The following MYRIP variants were observed in gnomAD, a reference collection of about 807,000 sequenced individuals.
The protein encoded by MYRIP is rab effector MyRIP.
Under a neutral mutation model 98.0 loss-of-function variants are expected in MYRIP, and 49 were observed. That is an observed-to-expected ratio of 0.50 (90% CI 0.40 to 0.63). MYRIP has a LOEUF of 0.63. Among genes scored for constraint, MYRIP ranks in the 30% least tolerant of loss-of-function variants. The pLI is 0.00. For missense variants in MYRIP, 1,004 were observed against 1,058.2 expected, an observed-to-expected ratio of 0.95 and a Z score of 0.71; for synonymous variants, 404 against 409.5, an observed-to-expected ratio of 0.99 and a Z score of 0.16.
intron 8 of MYRIP, among the ~76,000 whole-genome samples, chr3:40,171,503 T>C (rs1011604702): frequency 1.3e-5 from 2 of 152,122 alleles, no homozygotes; most frequent in African/African-American, 4.8e-5. Flanking sequence ...TTCTGCAAAC[T>C]CAAAGTGTCA....
intron 12 of MYRIP, 74 bp from the exon 13 acceptor site, chr3:40,244,372 G>T: frequency 7.1e-7 from 1 of 1,402,188 alleles, no homozygotes. Flanking sequence ...CTGAATTGCT[G>T]GGGTCCCCTC....
At chr3:39,924,206 A>G (rs922130185) in intron 2 of MYRIP, among the ~76,000 whole-genome samples, 11 of 152,146 alleles carry the variant, frequency 7.2e-5, no homozygotes, top group South Asian at 4.1e-4. Context: ...GATTTAAAAA[A>G]CATATCCTAG....
chr3:39,827,960 G>A (rs1344281023), intron 1 of MYRIP, among the ~76,000 whole-genome samples: 1 of 151,714 alleles, frequency 6.6e-6, no homozygotes, highest in African/African-American at 2.4e-5. Flanking sequence ...TCTACTCTTA[G>A]TCTCATGGGA....
intron 1 of MYRIP, among the ~76,000 whole-genome samples, chr3:39,861,995 T>C (rs1252497500): frequency 6.6e-6 from 1 of 152,118 alleles, no homozygotes; most frequent in Non-Finnish European, 1.5e-5. Context: ...CAGAGAATCA[T>C]TGTGAAATAC....
intron 8 of MYRIP, among the ~76,000 whole-genome samples, chr3:40,172,270 G>A (rs1286376804): frequency 6.6e-6 from 1 of 152,210 alleles, no homozygotes; most frequent in Non-Finnish European, 1.5e-5. Context: ...GGGATAGAGG[G>A]GAGGGAGTGC....
intron 9 of MYRIP, among the ~76,000 whole-genome samples, chr3:40,182,581 C>G (rs1005448374): frequency 6.6e-6 from 1 of 152,192 alleles, no homozygotes; most frequent in Non-Finnish European, 1.5e-5. Flanking sequence ...TTCCTAGCTG[C>G]TCTGGCAGAA....
At chr3:39,909,203 G>A (rs1943957245) in intron 2 of MYRIP, among the ~76,000 whole-genome samples, 1 of 152,190 alleles carries the variant, frequency 6.6e-6, no homozygotes, top group South Asian at 2.1e-4. Context: ...CTCATGGAGG[G>A]CAGGTGCGCA....
chr3:40,015,662 G>T lies in MYRIP; in HGVS notation c.111-28388G>T, dbSNP rs545046020. Among the ~76,000 whole-genome samples, 7 of 152,348 alleles carry T rather than the reference G, an allele frequency of 4.6e-5. No individual in the cohort carries two copies. In the East Asian group the frequency reaches 1.3e-3, roughly 29 times the overall value. ...CTCCTTAGCCAGGACAGCCAGGCAG[G>T]TTGTCATCATCTGCTGTTCCTCCCT... On this transcript the variant is annotated intron_variant, in intron 2 of 16. Coordinates refer to ENST00000302541, the MANE Select transcript of MYRIP (RefSeq NM_015460.4).
chr3:39,923,410 A>G (rs1575382681), intron 2 of MYRIP, among the ~76,000 whole-genome samples: 1 of 152,252 alleles, frequency 6.6e-6, no homozygotes, highest in African/African-American at 2.4e-5. Flanking sequence ...TATACTCTTG[A>G]AAACAGAGAA....
chr3:40,204,164 TA>T (rs1204240649), intron 10 of MYRIP, among the ~76,000 whole-genome samples: 2 of 28,206 alleles, frequency 7.1e-5, no homozygotes, highest in Admixed American at 7.2e-4. Context: ...ATATATAATA[TA>T]ATATTTATAT....
chr3:39,968,254 C>T (rs552842938), intron 2 of MYRIP, among the ~76,000 whole-genome samples: 2 of 151,296 alleles, frequency 1.3e-5, no homozygotes, highest in African/African-American at 4.9e-5. Flanking sequence ...GGCACAATCT[C>T]GGCTCACTGC....
At chr3:40,054,540 C>T (rs1017921465) in intron 3 of MYRIP, among the ~76,000 whole-genome samples, 14 of 152,122 alleles carry the variant, frequency 9.2e-5, no homozygotes, top group Admixed American at 3.3e-4. Flanking sequence ...TTGAGTAAAG[C>T]AAATTGCCCT....
chr3:40,006,375 C>A (rs1234906856), intron 2 of MYRIP, among the ~76,000 whole-genome samples: 6 of 151,986 alleles, frequency 3.9e-5, no homozygotes, highest in East Asian at 1.9e-4. Context: ...GGTGACAGAG[C>A]AAGACTCTGT....
At chr3:40,116,034 T>C (rs756073163) in intron 3 of MYRIP, among the ~76,000 whole-genome samples, 6 of 152,182 alleles carry the variant, frequency 3.9e-5, no homozygotes, top group Non-Finnish European at 8.8e-5. Context: ...GAAATTGGCA[T>C]GGAGTGGTGA....
At chr3:39,850,844 C>G (rs1042428848) in intron 1 of MYRIP, among the ~76,000 whole-genome samples, 1 of 152,080 alleles carries the variant, frequency 6.6e-6, no homozygotes, top group Non-Finnish European at 1.5e-5. Context: ...CAAAGAGGAT[C>G]ATTATCCAGT....
chr3:40,016,063 T>G (rs548305406), intron 2 of MYRIP, among the ~76,000 whole-genome samples: 1 of 152,072 alleles, frequency 6.6e-6, no homozygotes, highest in African/African-American at 2.4e-5. Flanking sequence ...CCTCCTGATT[T>G]CCTCCTACTC....
intron 2 of MYRIP, among the ~76,000 whole-genome samples, chr3:40,017,695 T>TC (rs1946896665): frequency 8.2e-6 from 1 of 121,384 alleles, no homozygotes; most frequent in Admixed American, 7.7e-5. Context: ...ATTTACTTCT[T>TC]TTTTTTTTTT....
At chr3:39,952,382 A>G (rs1242172093) in intron 2 of MYRIP, among the ~76,000 whole-genome samples, 2 of 152,110 alleles carry the variant, frequency 1.3e-5, no homozygotes, top group Non-Finnish European at 1.5e-5. Flanking sequence ...AGTTTTTATC[A>G]TGAAGGCATG....
intron 2 of MYRIP, among the ~76,000 whole-genome samples, chr3:39,993,924 A>T (rs949734849): frequency 1.3e-5 from 2 of 152,232 alleles, no homozygotes; most frequent in Non-Finnish European, 2.9e-5. Flanking sequence ...CAATAACATC[A>T]CTTTCAATCA....
Sources: allele counts gnomAD v4.1 joint callset (sites outside exome capture counted in the v4.1 genomes callset), GRCh38; gene constraint gnomAD v4.1.1; transcripts MANE v1.5; gene names NCBI Gene and HGNC (gene_info 2026-07-23, HGNC 2026-07-21).